Variants in HSD17B11 observed in about 807,000 individuals in gnomAD.
HSD17B11 encodes the protein estradiol 17-beta-dehydrogenase 11.
A neutral mutation model predicts 27.8 loss-of-function variants in HSD17B11; 22 were observed. That is an observed-to-expected ratio of 0.79 (90% CI 0.56 to 1.13). The LOEUF is 1.13. HSD17B11 is among the 50% of genes most tolerant of loss of function. The pLI is 0.00. For synonymous variants in HSD17B11, 117 were observed against 132.8 expected (o/e 0.88, Z 0.82); for missense variants, 314 against 351.1 (o/e 0.89, Z 0.84).
rs1720014530 is a variant in HSD17B11, at chr4:87,378,871, TATATATATAA to T, written c.318+3374_318+3383del. ...ATATATATATAAATATATATAAATATATATATATAAATATATATATATAAATATATATAAA... is the reference window on the plus strand; with the variant it reads ...ATATATATATAAATATATATAAATATATATATATATATAAATATATATAAA... On this transcript the variant is annotated intron_variant, in intron 2 of 6. Transcript: ENST00000358290. Among the ~76,000 whole-genome samples the T allele has an allele frequency of 1.1e-4, 3 of 26,238 alleles. 1 individual carries two copies. Among genetic ancestry groups the T allele is most frequent in the African/African-American group, 1.1e-3 (3 of 2,736 alleles). 17.2% of individuals were successfully genotyped at this position (26,238 alleles called of 152,430 possible). A position where few individuals can be genotyped will look rare whatever the true frequency, so the allele number is the denominator to read the frequency against.
intron 5 of HSD17B11, among the ~76,000 whole-genome samples, chr4:87,344,557 G>A (rs150149280): frequency 1.1e-4 from 17 of 152,260 alleles, no homozygotes; most frequent in East Asian, 1.9e-4. Flanking sequence ...AATAATAGCC[G>A]GGGACTTTAT....
intron 1 of HSD17B11, among the ~76,000 whole-genome samples, chr4:87,389,860 G>C (rs1220104982): frequency 1.3e-5 from 2 of 151,942 alleles, no homozygotes; most frequent in African/African-American, 4.8e-5. Context: ...CTTGTCCTAG[G>C]TAAAAAATTA....
chr4:87,388,685 A>G (rs145750616), intron 1 of HSD17B11, among the ~76,000 whole-genome samples: 30 of 152,314 alleles, frequency 2.0e-4, no homozygotes, highest in Non-Finnish European at 5.9e-5. Flanking sequence ...ATTTTATTAT[A>G]CAGTGTGGCA....
chr4:87,373,626 T>G (rs1735763414), intron 3 of HSD17B11, among the ~76,000 whole-genome samples: 1 of 151,484 alleles, frequency 6.6e-6, no homozygotes, highest in South Asian at 2.1e-4. Context: ...GGGAAGATCA[T>G]TTGAGCCCAG....
chr4:87,342,718 A>C (rs986307930), intron 5 of HSD17B11, among the ~76,000 whole-genome samples: 1 of 152,246 alleles, frequency 6.6e-6, no homozygotes, highest in African/African-American at 2.4e-5. Flanking sequence ...TTAAAAATAT[A>C]TAAGCTTTAA....
chr4:87,383,171 C>T (rs965342255), intron 1 of HSD17B11, among the ~76,000 whole-genome samples: 24 of 152,180 alleles, frequency 1.6e-4, no homozygotes, highest in Non-Finnish European at 3.2e-4. Flanking sequence ...GTGGAAACCA[C>T]TAGTAGGATT....
intron 4 of HSD17B11, among the ~76,000 whole-genome samples, chr4:87,362,571 G>A (rs922989083): frequency 1.3e-5 from 2 of 151,958 alleles, no homozygotes; most frequent in African/African-American, 4.8e-5. Context: ...ATAAGATTTA[G>A]GGGGTTAGAG....
intron 4 of HSD17B11, among the ~76,000 whole-genome samples, chr4:87,359,659 T>A (rs1426870779): frequency 6.6e-6 from 1 of 152,216 alleles, no homozygotes; most frequent in Non-Finnish European, 1.5e-5. Context: ...CCACAGTACC[T>A]GGCCTATTCT....
intron 5 of HSD17B11, among the ~76,000 whole-genome samples, chr4:87,344,783 A>C (rs1414835836): frequency 6.6e-6 from 1 of 152,218 alleles, no homozygotes; most frequent in Non-Finnish European, 1.5e-5. Flanking sequence ...TAAAAGATTA[A>C]AGTTATACAA....
intron 4 of HSD17B11, among the ~76,000 whole-genome samples, chr4:87,359,278 G>T (rs1003996380): frequency 2.0e-4 from 30 of 152,192 alleles, no homozygotes; most frequent in African/African-American, 7.0e-4. Flanking sequence ...GAGATTAAAA[G>T]CTTCTGTATA....
At chr4:87,340,458 T>A (rs763041937) in intron 6 of HSD17B11, 32 bp downstream of exon 6, 167 of 1,372,474 alleles carry the variant, frequency 1.2e-4, no homozygotes, top group Non-Finnish European at 1.6e-4. Context: ...TATTTTACCT[T>A]TCATTTCTAA....
At position 87,390,901 on chromosome 4, in the gene HSD17B11, G is replaced by A. The variant is rs1322325895; in HGVS notation, c.170C>T (p.Ala57Val). 1 of 1,614,126 alleles carries A rather than the reference G, an allele frequency of 6.2e-7. No homozygotes were observed. Among genetic ancestry groups the A allele is most frequent in the African/African-American group, 1.3e-5 (1 of 75,028 alleles). The change falls in exon 1 of 7, where the codon GCT becomes GTT. Residue 57 changes from alanine (A) to valine (V), a missense_variant. By Grantham distance (64) the Ala-to-Val change is moderately conservative. Coordinates refer to ENST00000358290, the MANE Select transcript of HSD17B11 (RefSeq NM_016245.5). ...GIGRLTAYEF[A>V]KLKSKLVLWD... ...GAGAACCAGCTTGCTTTTAAGTTTAGCAAATTCATAGGCAGTCAGTCTCCC... is the reference window on the plus strand; with the variant it reads ...GAGAACCAGCTTGCTTTTAAGTTTAACAAATTCATAGGCAGTCAGTCTCCC...
intron 5 of HSD17B11, among the ~76,000 whole-genome samples, chr4:87,353,606 G>C (rs1479093558): frequency 6.6e-6 from 1 of 152,148 alleles, no homozygotes; most frequent in African/African-American, 2.4e-5. Context: ...TTTTCCTCCA[G>C]AGTGCAAATC....
chr4:87,341,929 G>A (rs1036002312), intron 5 of HSD17B11, among the ~76,000 whole-genome samples: 1 of 152,016 alleles, frequency 6.6e-6, no homozygotes, highest in African/African-American at 2.4e-5. Context: ...AATTAGAGAG[G>A]AGCTGCACAA....
At chr4:87,346,842 G>C (rs149888841) in intron 5 of HSD17B11, among the ~76,000 whole-genome samples, 8 of 151,976 alleles carry the variant, frequency 5.3e-5, no homozygotes, top group African/African-American at 1.4e-4. Flanking sequence ...TCAGCCTGGG[G>C]AACAAAGCAA....
intron 5 of HSD17B11, among the ~76,000 whole-genome samples, chr4:87,340,910 TATAG>T (rs1049715803): frequency 5.3e-5 from 8 of 152,202 alleles, no homozygotes; most frequent in Non-Finnish European, 7.3e-5. Flanking sequence ...AAATAAGAAT[TATAG>T]AAGTAACTAA....
chr4:87,363,362 C>A (rs1735552380), intron 4 of HSD17B11, among the ~76,000 whole-genome samples: 1 of 152,210 alleles, frequency 6.6e-6, no homozygotes. Context: ...AAAAAGAATT[C>A]TAAGGCTAGT....
chr4:87,378,960 A>ATATAT (rs1720051475), intron 2 of HSD17B11, among the ~76,000 whole-genome samples: 2 of 25,626 alleles, frequency 7.8e-5, no homozygotes, highest in Non-Finnish European at 1.3e-4. Flanking sequence ...ATATATATAT[A>ATATAT]TTTTTTTTTT....
At chr4:87,354,262 C>T (rs922500860) in intron 5 of HSD17B11, among the ~76,000 whole-genome samples, 26 of 151,746 alleles carry the variant, frequency 1.7e-4, no homozygotes, top group Admixed American at 7.9e-4. Context: ...GTCAAGAGTT[C>T]GAGACCAGCC....
Sources: allele counts gnomAD v4.1 joint callset (sites outside exome capture counted in the v4.1 genomes callset), GRCh38; gene constraint gnomAD v4.1.1; transcripts MANE v1.5; gene names NCBI Gene and HGNC (gene_info 2026-07-23, HGNC 2026-07-21).